LRRC1: variants seen among roughly 807,000 people sequenced by gnomAD.
LRRC1 encodes the protein leucine rich repeat containing 1, also known as leucine-rich repeat-containing protein 1.
LRRC1 carries 28 observed loss-of-function variants against 69.9 expected under a neutral mutation model. The ratio of observed to expected loss-of-function variants is 0.40; its 90% CI spans 0.30 to 0.55. The LOEUF is 0.55. LRRC1 is among the 20% of genes least tolerant of loss of function. The pLI is 0.47. For synonymous variants in LRRC1, 236 were observed against 240.2 expected, an observed-to-expected ratio of 0.98 and a Z score of 0.16; for missense variants, 498 against 609.0, an observed-to-expected ratio of 0.82 and a Z score of 1.92.
intron 11 of LRRC1, among the ~76,000 whole-genome samples, chr6:53,918,378 T>TC (rs1768635461): frequency 6.6e-6 from 1 of 152,208 alleles, no homozygotes; most frequent in African/African-American, 2.4e-5. Context: ...AACACAGAAA[T>TC]CTTTTGCAAA....
chr6:53,861,203 A>G (rs1247896750), intron 2 of LRRC1, among the ~76,000 whole-genome samples: 1 of 152,008 alleles, frequency 6.6e-6, no homozygotes. Flanking sequence ...TAAAATGGCC[A>G]GGTCCTCATT....
chr6:53,889,385 G>C (rs572455669), intron 4 of LRRC1, among the ~76,000 whole-genome samples: 1 of 152,008 alleles, frequency 6.6e-6, no homozygotes, highest in African/African-American at 2.4e-5. Context: ...TGAAAACCTA[G>C]GAGGGTTATT....
intron 1 of LRRC1, among the ~76,000 whole-genome samples, chr6:53,798,523 T>G (rs1352753321): frequency 6.6e-6 from 1 of 152,170 alleles, no homozygotes; most frequent in Non-Finnish European, 1.5e-5. Context: ...GGACTACAGG[T>G]GCCCACCACC....
intron 1 of LRRC1, among the ~76,000 whole-genome samples, chr6:53,821,471 A>G (rs1243875615): frequency 6.6e-6 from 1 of 152,230 alleles, no homozygotes; most frequent in Admixed American, 6.5e-5. Context: ...ATCATGGGCC[A>G]TCAGCACTGT....
At chr6:53,886,191 G>A (rs191743282) in intron 4 of LRRC1, among the ~76,000 whole-genome samples, 104 of 152,096 alleles carry the variant, frequency 6.8e-4, no homozygotes, top group Middle Eastern at 6.8e-3. Context: ...TGAAAACTGC[G>A]ACATCAAGTG....
chr6:53,809,864 T>G (rs1240803035), intron 1 of LRRC1, among the ~76,000 whole-genome samples: 1 of 152,150 alleles, frequency 6.6e-6, no homozygotes, highest in Non-Finnish European at 1.5e-5. Context: ...ATCTCACACA[T>G]CAGGAAGCCT....
chr6:53,850,749 A>AGT (rs1766101015), intron 2 of LRRC1, among the ~76,000 whole-genome samples: 1 of 152,184 alleles, frequency 6.6e-6, no homozygotes. Context: ...TACAGTTTAG[A>AGT]GTGTGTGTGC....
Position 53,920,714 on chromosome 6 carries a change from G to A in LRRC1, c.1369G>A (p.Ala457Thr), listed in dbSNP as rs1448724811. The A allele has an allele frequency of 6.2e-7, 1 of 1,614,184 alleles. No homozygotes were observed. Among genetic ancestry groups the A allele is most frequent in the South Asian group, 1.1e-5 (1 of 91,086 alleles). The part of the protein sequence containing the change: ...WNERAVNRVS[A>T]IRFVEDEKDE... ...CGAGCGTGCTGTCAACAGAGTCAGT[G>A]CGATCCGATTTGTGGAGGATGAGAA... The change falls in exon 13 of 14, where the codon GCG becomes ACG. Residue 457 changes from alanine to threonine, a missense_variant. Transcript: ENST00000370888.
chr6:53,824,772 A>G (rs1456517373), intron 1 of LRRC1, among the ~76,000 whole-genome samples: 1 of 152,210 alleles, frequency 6.6e-6, no homozygotes, highest in Non-Finnish European at 1.5e-5. Context: ...GGGAATGTGC[A>G]TGGAAACTGA....
intron 1 of LRRC1, among the ~76,000 whole-genome samples, chr6:53,833,449 C>A (rs549997872): frequency 6.6e-6 from 1 of 152,166 alleles, no homozygotes; most frequent in South Asian, 2.1e-4. Flanking sequence ...TTAAAATATA[C>A]CAGCAAATGA....
At position 53,920,768 on chromosome 6, in the gene LRRC1, A is replaced by G. The variant is rs1276345019; in HGVS notation, c.1416+7A>G. The stretch of plus-strand genomic sequence containing the variant: ...TGAAGAAGACAATGAGACGGTATGG[A>G]AATGCAGATTCTTTGCCTCTGTGGA... On this transcript the variant is annotated splice_region_variant and intron_variant, in intron 13 of 13. Coordinates refer to ENST00000370888, the MANE Select transcript of LRRC1 (RefSeq NM_018214.5). 6.2e-7 allele frequency: 1 copy of G among 1,614,056 alleles called. No individual in the cohort carries two copies. The highest frequency in any genetic ancestry group is 1.3e-5 in the African/African-American group (1 of 74,948).
chr6:53,885,611 G>A, intron 4 of LRRC1, among the ~76,000 whole-genome samples: 1 of 152,216 alleles, frequency 6.6e-6, no homozygotes. Flanking sequence ...CTTCAGTGAA[G>A]ATAGGACTTC....
At chr6:53,861,727 C>G (rs1407585896) in intron 2 of LRRC1, among the ~76,000 whole-genome samples, 1 of 151,938 alleles carries the variant, frequency 6.6e-6, no homozygotes, top group Admixed American at 6.6e-5. Flanking sequence ...TGGCCCTGCA[C>G]CCTCCTCTCA....
At chr6:53,879,538 C>T (rs1218317528) in intron 3 of LRRC1, among the ~76,000 whole-genome samples, 2 of 152,140 alleles carry the variant, frequency 1.3e-5, no homozygotes, top group Admixed American at 1.3e-4. Flanking sequence ...CCCACCTCAG[C>T]CTTCCAAAGT....
intron 4 of LRRC1, among the ~76,000 whole-genome samples, chr6:53,884,630 C>T (rs965406462): frequency 9.2e-5 from 14 of 152,084 alleles, no homozygotes; most frequent in Non-Finnish European, 1.2e-4. Context: ...CTCTCCCTTC[C>T]ATTCATTCTT....
At chr6:53,856,118 G>A (rs1766300718) in intron 2 of LRRC1, among the ~76,000 whole-genome samples, 1 of 152,172 alleles carries the variant, frequency 6.6e-6, no homozygotes, top group Non-Finnish European at 1.5e-5. Flanking sequence ...TCTAAATAAA[G>A]GCCACATATT....
At chr6:53,864,737 T>C (rs1419322975) in intron 2 of LRRC1, among the ~76,000 whole-genome samples, 2 of 152,080 alleles carry the variant, frequency 1.3e-5, no homozygotes, top group Non-Finnish European at 2.9e-5. Flanking sequence ...AGTTATATAG[T>C]CAAAGAGGGC....
intron 2 of LRRC1, among the ~76,000 whole-genome samples, chr6:53,861,015 A>G (rs933389038): frequency 1.6e-5 from 2 of 128,866 alleles, no homozygotes; most frequent in African/African-American, 2.7e-5. Flanking sequence ...AACGACAGAC[A>G]CTGGGGCCGC....
intron 2 of LRRC1, among the ~76,000 whole-genome samples, chr6:53,862,642 C>T (rs564745345): frequency 2.0e-5 from 3 of 152,128 alleles, no homozygotes; most frequent in Non-Finnish European, 2.9e-5. Flanking sequence ...TTACAAAGGC[C>T]GTCTCTCTTT....
Sources: gnomAD v4.1 joint callset for allele counts (sites outside exome capture counted in the v4.1 genomes callset) on GRCh38, gnomAD v4.1.1 for gene constraint, MANE v1.5 for transcripts, NCBI Gene and HGNC (gene_info 2026-07-23, HGNC 2026-07-21) for gene names.